Variants in ZNF608 observed in about 807,000 individuals in gnomAD.
ZNF608 encodes zinc finger protein 608.
In ZNF608, 12 loss-of-function variants were observed where a neutral mutation model predicts 109.0. The ratio of observed to expected loss-of-function variants is 0.11; its 90% CI spans 0.07 to 0.18. The LOEUF (loss-of-function observed/expected upper bound fraction) is 0.18. Among genes scored for constraint, ZNF608 ranks in the 10% least tolerant of loss-of-function variants. ZNF608 has a pLI of 1.00. For missense variants in ZNF608, 1,707 were observed against 1,879.3 expected (o/e 0.91, Z 1.70); for synonymous variants, 732 against 717.4 (o/e 1.02, Z -0.33).
rs188486845 is a variant in ZNF608, at chr5:124,672,089, C to T, written c.1163-22392G>A. 1.5e-3 allele frequency among the ~76,000 whole-genome samples: 227 copies of T among 152,234 alleles called. 1 individual carries two copies. The highest frequency in any genetic ancestry group is 3.9e-3 in the Admixed American group (60 of 15,294). The stretch of plus-strand genomic sequence containing the variant: ...GTCATTCTTTCCCTAAGAATTCTAC[C>T]GAGTAATACAACATAAAATATTAAT... On this transcript the variant is annotated intron_variant, in intron 3 of 9. Transcript: ENST00000513986.
At chr5:124,723,175 C>T (rs1423043996) in intron 2 of ZNF608, among the ~76,000 whole-genome samples, 1 of 151,910 alleles carries the variant, frequency 6.6e-6, no homozygotes, top group East Asian at 1.9e-4. Context: ...GGATTACAGG[C>T]ACGCGACACC....
Position 124,745,048 on chromosome 5 carries a change from A to G in ZNF608, c.-59T>C. 1.3e-6 allele frequency: 2 copies of G among 1,530,162 alleles called. No homozygotes were observed. Among genetic ancestry groups the G allele is most frequent in the South Asian group, 2.6e-5 (2 of 75,918 alleles). The allele number at this position is 1,530,162 out of a possible 1,614,324, so 94.8% of individuals were successfully genotyped here. On this transcript the variant is annotated 5_prime_UTR_variant, in exon 2 of 10. Coordinates refer to ENST00000513986, the MANE Select transcript of ZNF608 (RefSeq NM_020747.3). Reference sequence around the variant, plus strand: ...TGAACTTTTCTTTGGAGATGAGGGGACATTCGTTTATCTCCGCTGGGCTTT... The same window carrying G: ...TGAACTTTTCTTTGGAGATGAGGGGGCATTCGTTTATCTCCGCTGGGCTTT...
intron 3 of ZNF608, among the ~76,000 whole-genome samples, chr5:124,693,498 C>A (rs1035203401): frequency 7.2e-5 from 11 of 152,052 alleles, no homozygotes; most frequent in African/African-American, 2.7e-4. Context: ...AATAATAAAC[C>A]TGGCTACAAT....
chr5:124,683,043 T>C (rs1752259359), intron 3 of ZNF608, among the ~76,000 whole-genome samples: 1 of 151,988 alleles, frequency 6.6e-6, no homozygotes, highest in Non-Finnish European at 1.5e-5. Context: ...TCTCTCCCCC[T>C]CTCTATCTGA....
chr5:124,717,323 T>G (rs1057203901), intron 2 of ZNF608, among the ~76,000 whole-genome samples: 5 of 150,552 alleles, frequency 3.3e-5, no homozygotes, highest in East Asian at 2.0e-4. Context: ...AAAAAAAAAT[T>G]AGCCAGGCAT....
At chr5:124,656,810 A>ACG (rs1421837499) in intron 3 of ZNF608, among the ~76,000 whole-genome samples, 4 of 89,170 alleles carry the variant, frequency 4.5e-5, no homozygotes, top group African/African-American at 1.5e-4. Context: ...ACACACACAC[A>ACG]CACACACACA....
At chr5:124,704,365 T>G (rs1009217302) in intron 2 of ZNF608, among the ~76,000 whole-genome samples, 1 of 152,058 alleles carries the variant, frequency 6.6e-6, no homozygotes, top group Non-Finnish European at 1.5e-5. Context: ...GCACTACCAG[T>G]GAGAGGAGAA....
At chr5:124,697,536 A>G (rs1047141553) in intron 3 of ZNF608, among the ~76,000 whole-genome samples, 11 of 152,224 alleles carry the variant, frequency 7.2e-5, no homozygotes, top group African/African-American at 2.7e-4. Context: ...AGATCAGAGT[A>G]GAATTACCAA....
At chr5:124,683,822 A>G (rs1388386378) in intron 3 of ZNF608, among the ~76,000 whole-genome samples, 1 of 152,250 alleles carries the variant, frequency 6.6e-6, no homozygotes, top group East Asian at 1.9e-4. Flanking sequence ...CAAGGTATAT[A>G]TAAGTAGCAC....
chr5:124,699,492 C>T (rs541971055), intron 3 of ZNF608, among the ~76,000 whole-genome samples: 44 of 152,098 alleles, frequency 2.9e-4, no homozygotes, highest in Non-Finnish European at 5.1e-4. Context: ...TTTCTAAAGC[C>T]AAAAAAGTAA....
At chr5:124,692,473 A>G (rs1752663606) in intron 3 of ZNF608, among the ~76,000 whole-genome samples, 1 of 152,246 alleles carries the variant, frequency 6.6e-6, no homozygotes, top group Non-Finnish European at 1.5e-5. Flanking sequence ...TGGTTTGTAT[A>G]CATCAACCCA....
chr5:124,643,470 C>T (rs781414715), intron 7 of ZNF608, 41 bp downstream of exon 7: 4 of 1,597,146 alleles, frequency 2.5e-6, no homozygotes, highest in Non-Finnish European at 3.4e-6. Flanking sequence ...CCTTTCTCCC[C>T]AAATCACAGT....
At chr5:124,641,565 C>G (rs1372010785) in intron 7 of ZNF608, among the ~76,000 whole-genome samples, 160 bp from the exon 8 acceptor site, 1 of 152,082 alleles carries the variant, frequency 6.6e-6, no homozygotes, top group African/African-American at 2.4e-5. Flanking sequence ...AAAAAACATG[C>G]ATTAGTTTCA....
Position 124,648,771 on chromosome 5 carries a change from G to T in ZNF608, c.1613C>A (p.Pro538Gln), listed in dbSNP as rs756375589. The T allele has an allele frequency of 6.2e-7, 1 of 1,614,094 alleles. No homozygotes were observed. Among genetic ancestry groups the T allele is most frequent in the Non-Finnish European group, 8.5e-7 (1 of 1,180,054 alleles). ...GCCTTGGTCCAAAAAAGTAGTCTCT[G>T]GTTTCCCTTGAGGGGTAGTGGGAGT... Reference protein sequence around the residue: ...RSTPTTPQGKPETTFLDQGCS... With the variant: ...RSTPTTPQGKQETTFLDQGCS... Residue 538 changes from proline (P) to glutamine (Q), a missense_variant, in exon 5 of 10, where the codon CCA becomes CAA. Physicochemically the swap from Pro to Gln is moderately conservative, Grantham distance 76. Transcript: ENST00000513986.
chr5:124,656,799 AACAC>A (rs35634231), intron 3 of ZNF608, among the ~76,000 whole-genome samples: 10,111 of 123,772 alleles, frequency 0.082, 398 homozygotes, highest in South Asian at 0.12. Flanking sequence ...ATAAGCCCTA[AACAC>A]ACACACACAC....
In ZNF608 at chr5:124,644,266, G is replaced by A. The variant is rs773738496; in HGVS notation, c.4101C>T (p.Pro1367=). Residue 1367 remains proline (P), a synonymous_variant, in exon 6 of 10, where the codon CCC becomes CCT. Transcript: ENST00000513986. ...PSHPAYRAVS[P]VLMHSYPGAY... The stretch of plus-strand genomic sequence containing the variant: ...TACCAGGATAACTGTGCATTAGGAC[G>A]GGAGAAACAGCCCGGTATGCAGGAT... The A allele has an allele frequency of 3.7e-5, 60 of 1,610,416 alleles. No individual in the cohort carries two copies. The Admixed American group carries it at 5.8e-4, about 16-fold the overall frequency.
chr5:124,673,030 AAACAT>A (rs1310217914), intron 3 of ZNF608, among the ~76,000 whole-genome samples: 1 of 152,170 alleles, frequency 6.6e-6, no homozygotes, highest in Non-Finnish European at 1.5e-5. Flanking sequence ...ACTGCAGAAA[AAACAT>A]AACCCGAAAG....
chr5:124,677,105 T>C (rs1316913926), intron 3 of ZNF608, among the ~76,000 whole-genome samples: 2 of 152,222 alleles, frequency 1.3e-5, no homozygotes, highest in African/African-American at 4.8e-5. Flanking sequence ...ATATTTAATG[T>C]TTAATAAGAC....
intron 3 of ZNF608, among the ~76,000 whole-genome samples, chr5:124,683,662 T>C (rs1468570343): frequency 1.3e-5 from 2 of 152,208 alleles, no homozygotes; most frequent in Non-Finnish European, 2.9e-5. Context: ...ATGGGCCTTG[T>C]AGAGCTATGT....
Sources: gnomAD v4.1 joint callset for allele counts (sites outside exome capture counted in the v4.1 genomes callset) on GRCh38, gnomAD v4.1.1 for gene constraint, MANE v1.5 for transcripts, NCBI Gene and HGNC (gene_info 2026-07-23, HGNC 2026-07-21) for gene names.